Variants in CNTN5 observed in about 807,000 individuals in gnomAD.
The protein encoded by CNTN5 is contactin-5.
CNTN5 carries 77 observed loss-of-function variants against 129.1 expected under a neutral mutation model. The ratio of observed to expected loss-of-function variants is 0.60; its 90% confidence interval spans 0.50 to 0.72. The LOEUF (loss-of-function observed/expected upper bound fraction) is 0.72. CNTN5 is among the 30% of genes least tolerant of loss of function. The probability of loss-of-function intolerance (pLI) is 0.00; values close to 1 mark genes in which losing one functional copy is unlikely to be tolerated. For missense variants in CNTN5, 1,478 were observed against 1,328.8 expected, an observed-to-expected ratio of 1.11 and a Z score of -1.75; for synonymous variants, 509 against 465.6, an observed-to-expected ratio of 1.09 and a Z score of -1.20.
At chr11:100,191,542 A>G (rs1466594578) in intron 14 of CNTN5, among the ~76,000 whole-genome samples, 2 of 152,064 alleles carry the variant, frequency 1.3e-5, no homozygotes, top group African/African-American at 2.4e-5. Context: ...TCAAAACTTG[A>G]AAGTATGCCA....
chr11:99,309,068 C>T (rs1271167388), intron 1 of CNTN5, among the ~76,000 whole-genome samples: 2 of 152,040 alleles, frequency 1.3e-5, no homozygotes, highest in African/African-American at 2.4e-5. Context: ...CTTTAATATG[C>T]TAGTCATAGT....
At chr11:99,609,394 G>C (rs534813033) in intron 3 of CNTN5, among the ~76,000 whole-genome samples, 83 of 152,204 alleles carry the variant, frequency 5.5e-4, no homozygotes, top group African/African-American at 1.9e-3. Context: ...TAATACTAGT[G>C]GTTATGGGTG....
intron 3 of CNTN5, among the ~76,000 whole-genome samples, chr11:99,726,220 G>C (rs529145428): frequency 6.6e-6 from 1 of 152,186 alleles, no homozygotes; most frequent in Non-Finnish European, 1.5e-5. Context: ...AGACAGTAGC[G>C]AGCAGTGGAA....
At chr11:99,258,259 G>A (rs1862469412) in intron 1 of CNTN5, among the ~76,000 whole-genome samples, 1 of 151,872 alleles carries the variant, frequency 6.6e-6, no homozygotes, top group African/African-American at 2.4e-5. Flanking sequence ...CAAATATTAA[G>A]CCTAGTACCC....
intron 2 of CNTN5, among the ~76,000 whole-genome samples, chr11:99,470,756 G>C (rs1023598302): frequency 7.9e-5 from 12 of 151,748 alleles, no homozygotes; most frequent in Non-Finnish European, 1.6e-4. Context: ...GCTCAGTCTT[G>C]GAAATGTGCC....
intron 3 of CNTN5, among the ~76,000 whole-genome samples, chr11:99,744,830 A>C (rs1944002817): frequency 6.6e-6 from 1 of 152,164 alleles, no homozygotes; most frequent in Admixed American, 6.5e-5. Flanking sequence ...CAGAAGAAGT[A>C]AAGCACATAC....
At chr11:100,238,833 G>T (rs80185316) in intron 16 of CNTN5, among the ~76,000 whole-genome samples, 5,058 of 152,220 alleles carry the variant, frequency 0.033, 124 homozygotes, top group Non-Finnish European at 0.052. Context: ...ATTATCTATT[G>T]ACAGAAATAT....
intron 9 of CNTN5, among the ~76,000 whole-genome samples, chr11:100,037,163 G>A (rs1218064723): frequency 4.7e-5 from 6 of 126,948 alleles, no homozygotes; most frequent in African/African-American, 1.3e-4. Context: ...AATTTATTAA[G>A]AGTTTTTAGC....
intron 16 of CNTN5, among the ~76,000 whole-genome samples, chr11:100,230,478 T>G (rs1949465863): frequency 6.6e-6 from 1 of 152,136 alleles, no homozygotes; most frequent in Non-Finnish European, 1.5e-5. Flanking sequence ...AAAAGTAACA[T>G]TTTTTTGTCA....
intron 6 of CNTN5, among the ~76,000 whole-genome samples, chr11:99,903,456 A>G (rs558222919): frequency 6.6e-6 from 1 of 152,112 alleles, no homozygotes; most frequent in South Asian, 2.1e-4. Flanking sequence ...AAATGCAGTT[A>G]TCAGGTTGAA....
chr11:99,752,302 C>T (rs1279803684), intron 3 of CNTN5, among the ~76,000 whole-genome samples: 2 of 152,144 alleles, frequency 1.3e-5, no homozygotes, highest in African/African-American at 4.8e-5. Context: ...TATGATGTAC[C>T]TAGGACATTG....
At chr11:99,585,527 T>A (rs188915006) in intron 3 of CNTN5, among the ~76,000 whole-genome samples, 1 of 152,256 alleles carries the variant, frequency 6.6e-6, no homozygotes, top group Admixed American at 6.5e-5. Flanking sequence ...TAACTTATAG[T>A]GGGATTTTCA....
At chr11:99,812,663 G>T (rs773627999) in intron 3 of CNTN5, among the ~76,000 whole-genome samples, 1 of 152,050 alleles carries the variant, frequency 6.6e-6, no homozygotes, top group Non-Finnish European at 1.5e-5. Context: ...GTGGAATCTA[G>T]ATTTGAATTC....
At chr11:99,257,955 C>T (rs1303529742) in intron 1 of CNTN5, among the ~76,000 whole-genome samples, 1 of 152,006 alleles carries the variant, frequency 6.6e-6, no homozygotes, top group East Asian at 1.9e-4. Flanking sequence ...GAGGTTGACT[C>T]ACCAAAGGTC....
intron 7 of CNTN5, among the ~76,000 whole-genome samples, chr11:99,928,843 G>GT (rs1417284001): frequency 6.6e-6 from 1 of 152,164 alleles, no homozygotes; most frequent in Non-Finnish European, 1.5e-5. Context: ...CAGAAAATGG[G>GT]TTTTTGTTTC....
chr11:100,219,317 T>C (rs1177601916), intron 15 of CNTN5, among the ~76,000 whole-genome samples: 1 of 152,162 alleles, frequency 6.6e-6, no homozygotes, highest in South Asian at 2.1e-4. Flanking sequence ...GAATAAACAA[T>C]AAAGGGAGAT....
In CNTN5 at chr11:99,251,231, C is replaced by A. The variant is rs543114568; in HGVS notation, c.-209-74115C>A. 2.6e-5 allele frequency among the ~76,000 whole-genome samples: 4 copies of A among 151,964 alleles called. No homozygotes were observed. The South Asian group carries it at 8.3e-4, about 32-fold the overall frequency. ...TATTTTGCTGTCTCATCTTCCTCCC[C>A]ATCTGAATGATATAAATGTTTATAA... On this transcript the variant is annotated intron_variant, in intron 1 of 24. Coordinates refer to ENST00000524871, the MANE Select transcript of CNTN5 (RefSeq NM_014361.4).
At chr11:99,360,038 T>C (rs571543885) in intron 2 of CNTN5, among the ~76,000 whole-genome samples, 1 of 152,152 alleles carries the variant, frequency 6.6e-6, no homozygotes, top group East Asian at 1.9e-4. Context: ...ACCCACTACA[T>C]ACTCATAAAA....
rs534530408 is a variant in CNTN5, at chr11:99,405,158, T to G, written c.-71+79674T>G. On this transcript the variant is annotated intron_variant, in intron 2 of 24. Transcript: ENST00000524871. ...GCTGCTTTAAGGATCATTTCTTTATTCTTGACCTTTGGGATTTTAATTATT... is the reference window on the plus strand; with the variant it reads ...GCTGCTTTAAGGATCATTTCTTTATGCTTGACCTTTGGGATTTTAATTATT... 2.4e-4 allele frequency among the ~76,000 whole-genome samples: 36 copies of G among 152,296 alleles called. No individual in the cohort carries two copies. In the East Asian group the frequency reaches 5.8e-3, roughly 25 times the overall value.
Sources: gnomAD v4.1 joint callset for allele counts (sites outside exome capture counted in the v4.1 genomes callset) on GRCh38, gnomAD v4.1.1 for gene constraint, MANE v1.5 for transcripts, NCBI Gene and HGNC (gene_info 2026-07-23, HGNC 2026-07-21) for gene names.